Variants in FAM135B observed in about 807,000 individuals in gnomAD.
The protein encoded by FAM135B is protein FAM135B.
In FAM135B, 43 loss-of-function variants were observed where a neutral mutation model predicts 127.7. The ratio of observed to expected loss-of-function variants is 0.34; its 90% CI spans 0.26 to 0.43. The LOEUF is 0.43. FAM135B is among the 20% of genes least tolerant of loss of function. The pLI is 1.00. For synonymous variants in FAM135B, 670 were observed against 665.1 expected, an observed-to-expected ratio of 1.01 and a Z score of -0.11; for missense variants, 1,558 against 1,725.6, an observed-to-expected ratio of 0.90 and a Z score of 1.72.
intron 3 of FAM135B, among the ~76,000 whole-genome samples, chr8:138,273,037 T>C (rs533248829): frequency 6.6e-6 from 1 of 152,274 alleles, no homozygotes; most frequent in South Asian, 2.1e-4. Context: ...AAGTACCTGG[T>C]ACAAGATGTA....
chr8:138,169,444 C>T (rs1289293525), intron 11 of FAM135B, among the ~76,000 whole-genome samples: 1 of 151,654 alleles, frequency 6.6e-6, no homozygotes, highest in East Asian at 1.9e-4. Context: ...TTTAAATGTT[C>T]TCTGAATATT....
chr8:138,380,983 A>G (rs1439251603), intron 1 of FAM135B, among the ~76,000 whole-genome samples: 1 of 141,004 alleles, frequency 7.1e-6, no homozygotes, highest in African/African-American at 2.6e-5. Flanking sequence ...AAAAACAAAC[A>G]AACAAAAAAA....
intron 2 of FAM135B, among the ~76,000 whole-genome samples, chr8:138,312,468 T>G (rs4483159): frequency 0.94 from 142,464 of 152,052 alleles, 67,065 homozygotes; most frequent in Non-Finnish European, 0.98. Context: ...ATTTCCTGTT[T>G]CCTCATATAT....
In FAM135B at chr8:138,197,101, GTGTGTGTGTGTGTGTGTATATA is replaced by G. The variant is rs1166571872; in HGVS notation, c.823+393_823+414del. On this transcript the variant is annotated intron_variant, in intron 8 of 19. Transcript: ENST00000395297. ...TGTGTGTGTGTGTGTGTGTGTGTGTGTGTGTGTGTGTGTGTGTATATATATAGTTTTTATGAGGATTGTTTTA... is the reference window on the plus strand; with the variant it reads ...TGTGTGTGTGTGTGTGTGTGTGTGTGTATAGTTTTTATGAGGATTGTTTTA... Among the ~76,000 whole-genome samples, 13 of 119,942 alleles carry G rather than the reference GTGTGTGTGTGTGTGTGTATATA, an allele frequency of 1.1e-4. No individual in the cohort carries two copies. In the East Asian group the frequency reaches 2.3e-3, roughly 21 times the overall value. 78.7% of individuals were successfully genotyped at this position (119,942 alleles called of 152,430 possible). A position where few individuals can be genotyped will look rare whatever the true frequency, so the allele number is the denominator to read the frequency against.
chr8:138,183,666 C>T (rs1004036089), intron 9 of FAM135B, among the ~76,000 whole-genome samples: 1 of 152,160 alleles, frequency 6.6e-6, no homozygotes, highest in African/African-American at 2.4e-5. Flanking sequence ...ATTTTTATAA[C>T]AACAGCATAG....
intron 2 of FAM135B, among the ~76,000 whole-genome samples, chr8:138,350,819 T>C (rs1230417901): frequency 6.6e-6 from 1 of 152,230 alleles, no homozygotes; most frequent in Non-Finnish European, 1.5e-5. Flanking sequence ...TTCCACATTT[T>C]ATACCTGTAT....
chr8:138,138,047 T>TG (rs1471363678), intron 18 of FAM135B, among the ~76,000 whole-genome samples: 2 of 152,178 alleles, frequency 1.3e-5, no homozygotes, highest in Non-Finnish European at 2.9e-5. Flanking sequence ...GGCCAATACA[T>TG]GGGCGAGGAA....
At position 138,152,541 on chromosome 8, in the gene FAM135B, C is replaced by T; in HGVS notation, c.1934G>A (p.Ser645Asn). Residue 645 changes from serine to asparagine, a missense_variant, in exon 13 of 20, where the codon AGT (serine) becomes AAT (asparagine). Ser to Asn is a conservative substitution (Grantham distance 46). Coordinates refer to ENST00000395297, the MANE Select transcript of FAM135B (RefSeq NM_015912.4). The part of the protein sequence containing the change: ...LTPSEPCDPL[S>N]STLREPLDIR... ...ATCTAAGGGCTCCCTCAGGGTAGAA[C>T]TTAGTGGATCACAGGGCTCAGAGGG... The T allele has an allele frequency of 6.2e-7, 1 of 1,614,166 alleles. No individual in the cohort carries two copies. The highest frequency in any genetic ancestry group is 1.6e-4 in the Middle Eastern group (1 of 6,062).
chr8:138,403,626 C>A (rs1426027605), intron 1 of FAM135B, among the ~76,000 whole-genome samples: 1 of 152,150 alleles, frequency 6.6e-6, no homozygotes, highest in Non-Finnish European at 1.5e-5. Context: ...ACAAGGCATC[C>A]CAATACCAAT....
At chr8:138,478,762 T>C (rs1361095793) in intron 1 of FAM135B, among the ~76,000 whole-genome samples, 6 of 152,178 alleles carry the variant, frequency 3.9e-5, no homozygotes, top group Admixed American at 3.3e-4. Context: ...GAGGAAGACA[T>C]GAAAAGACAT....
chr8:138,264,833 T>C (rs1290834502), intron 4 of FAM135B, among the ~76,000 whole-genome samples: 1 of 152,146 alleles, frequency 6.6e-6, no homozygotes, highest in South Asian at 2.1e-4. Context: ...CAATAGGAGC[T>C]GTTGTGCACA....
At chr8:138,178,447 TC>T (rs1041264318) in intron 10 of FAM135B, 87 bp downstream of exon 10, 1 of 1,499,340 alleles carries the variant, frequency 6.7e-7, no homozygotes, top group African/African-American at 1.4e-5. Context: ...TAGAGGCCAA[TC>T]CTAATGCTTG....
At chr8:138,361,314 C>T (rs1319834786) in intron 2 of FAM135B, among the ~76,000 whole-genome samples, 1 of 152,080 alleles carries the variant, frequency 6.6e-6, no homozygotes, top group African/African-American at 2.4e-5. Context: ...TTAAATAGAA[C>T]GTTAGGAATT....
intron 1 of FAM135B, among the ~76,000 whole-genome samples, chr8:138,464,045 C>T (rs559372443): frequency 1.3e-5 from 2 of 152,256 alleles, no homozygotes; most frequent in Admixed American, 6.5e-5. Context: ...AGGCTGAGCA[C>T]GTAAATGTCC....
At chr8:138,333,199 T>C (rs1470813135) in intron 2 of FAM135B, among the ~76,000 whole-genome samples, 1 of 152,060 alleles carries the variant, frequency 6.6e-6, no homozygotes, top group Non-Finnish European at 1.5e-5. Context: ...ACAAAGATCA[T>C]CTCCACAGAG....
intron 3 of FAM135B, among the ~76,000 whole-genome samples, chr8:138,271,692 T>C (rs996119211): frequency 1.3e-5 from 2 of 152,188 alleles, no homozygotes; most frequent in Non-Finnish European, 2.9e-5. Context: ...AAAATTCTGA[T>C]TGAGGCGGCA....
chr8:138,140,286 G>T (rs1330847319), intron 17 of FAM135B, among the ~76,000 whole-genome samples: 1 of 152,214 alleles, frequency 6.6e-6, no homozygotes, highest in Admixed American at 6.5e-5. Flanking sequence ...GAGGACAGGG[G>T]ACAGTGGCAG....
At chr8:138,203,461 G>A (rs1586762310) in intron 7 of FAM135B, among the ~76,000 whole-genome samples, 1 of 152,154 alleles carries the variant, frequency 6.6e-6, no homozygotes, top group Admixed American at 6.5e-5. Flanking sequence ...TCTGCCCCAG[G>A]TTGAGCTGTC....
At chr8:138,340,718 C>T (rs752756638) in intron 2 of FAM135B, among the ~76,000 whole-genome samples, 1 of 152,168 alleles carries the variant, frequency 6.6e-6, no homozygotes, top group African/African-American at 2.4e-5. Context: ...CCTCCTCCCT[C>T]CTGCATGCTT....
Sources: allele counts gnomAD v4.1 joint callset (sites outside exome capture counted in the v4.1 genomes callset), GRCh38; gene constraint gnomAD v4.1.1; transcripts MANE v1.5; gene names NCBI Gene and HGNC (gene_info 2026-07-23, HGNC 2026-07-21).